The following IRAK1BP1 variants were observed in gnomAD, a reference collection of about 807,000 sequenced individuals.
IRAK1BP1 encodes interleukin-1 receptor-associated kinase 1-binding protein 1.
Under a neutral mutation model 28.0 loss-of-function variants are expected in IRAK1BP1, and 24 were observed. The ratio of observed to expected loss-of-function variants is 0.86; its 90% CI spans 0.62 to 1.20. The LOEUF (loss-of-function observed/expected upper bound fraction) is 1.20, where lower values mean the gene tolerates loss of function less well. Among genes scored for constraint, IRAK1BP1 ranks in the 50% most tolerant of loss-of-function variants. The pLI is 0.00. For missense variants in IRAK1BP1, 336 were observed against 316.7 expected (o/e 1.06, Z -0.46); for synonymous variants, 131 against 116.3 (o/e 1.13, Z -0.81).
At chr6:78,925,589 A>C (rs1772866372) in intron 4 of IRAK1BP1, among the ~76,000 whole-genome samples, 1 of 152,270 alleles carries the variant, frequency 6.6e-6, no homozygotes, top group Admixed American at 6.5e-5. Context: ...TGCTGCTGGT[A>C]GGAATGTAAA....
At chr6:78,972,684 G>A in the IRAK1BP1 span, among the ~76,000 whole-genome samples, 1 of 152,214 alleles carries the variant, frequency 6.6e-6, no homozygotes, top group African/African-American at 2.4e-5. Context: ...AGTGCTTAAA[G>A]GAGCTGATAG....
At chr6:78,961,943 A>C in the IRAK1BP1 span, 1 of 656,280 alleles carries the variant, frequency 1.5e-6, no homozygotes, top group Non-Finnish European at 2.6e-6. Flanking sequence ...TTTCATAAAC[A>C]ATATAGTGTA....
chr6:78,928,896 T>C (rs1194408095), intron 4 of IRAK1BP1, among the ~76,000 whole-genome samples: 1 of 152,212 alleles, frequency 6.6e-6, no homozygotes, highest in African/African-American at 2.4e-5. Flanking sequence ...TTTCACTTAT[T>C]GTTGAATTCA....
the IRAK1BP1 span, among the ~76,000 whole-genome samples, chr6:78,967,158 G>A: frequency 2.0e-5 from 3 of 152,006 alleles, no homozygotes; most frequent in Non-Finnish European, 2.9e-5. Context: ...AGCATGAAAT[G>A]AATTAAAAAT....
At chr6:78,956,609 A>T in the IRAK1BP1 span, 1 of 152,048 alleles carries the variant, frequency 6.6e-6, no homozygotes, top group Non-Finnish European at 1.5e-5. Flanking sequence ...GATTTATAGC[A>T]CTGTATCTCT....
At chr6:78,907,417 A>T (rs1281282713), downstream of IRAK1BP1, among the ~76,000 whole-genome samples, 4 of 152,146 alleles carry the variant, frequency 2.6e-5, no homozygotes, top group South Asian at 8.3e-4. Context: ...GGTATCTTAC[A>T]TTTGTGTGTC....
intron 2 of IRAK1BP1, 125 bp from the exon 3 acceptor site, chr6:78,897,704 T>A: frequency 1.5e-6 from 1 of 668,922 alleles, no homozygotes; most frequent in Admixed American, 3.6e-5. Context: ...AATAGGCTTT[T>A]AAAAATCTGT....
In IRAK1BP1 at chr6:78,909,345, A is replaced by G. The variant is rs1484246254; in HGVS notation, c.*67+6235A>G. Among the ~76,000 whole-genome samples, 3 of 152,226 alleles carry G rather than the reference A, an allele frequency of 2.0e-5. No individual in the cohort carries two copies. The East Asian group carries it at 5.8e-4, about 29-fold the overall frequency. ...TTATCCAGACATAATCTCATGGTGA[A>G]TCAAGGAGCAGTTGTATCAGATTGG... On this transcript the variant is annotated intron_variant and NMD_transcript_variant, in intron 4 of 4. Coordinates refer to the IRAK1BP1 transcript ENST00000606868.
At position 78,931,465 on chromosome 6, in the gene IRAK1BP1, C is replaced by A. The variant is rs183949576; in HGVS notation, c.*68-13943C>A. On this transcript the variant is annotated intron_variant and NMD_transcript_variant, in intron 4 of 4. Coordinates refer to the IRAK1BP1 transcript ENST00000606868. Reference sequence around the variant, plus strand: ...TACACTAAAATTATCTTGGAGATTTCTCATAGGTTCCTGGAAAATCACAAA... The same window carrying A: ...TACACTAAAATTATCTTGGAGATTTATCATAGGTTCCTGGAAAATCACAAA... 3.1e-3 allele frequency among the ~76,000 whole-genome samples: 474 copies of A among 152,152 alleles called. 3 individuals carry two copies. The highest frequency in any genetic ancestry group is 0.011 in the African/African-American group (440 of 41,506).
the IRAK1BP1 span, among the ~76,000 whole-genome samples, chr6:78,954,570 A>C: frequency 1.3e-5 from 2 of 152,302 alleles, no homozygotes; most frequent in African/African-American, 4.8e-5. Flanking sequence ...GGACTTGCTC[A>C]AAGCTGCACA....
At chr6:78,946,316 A>G in exon 5 of IRAK1BP1, 1 of 1,506,136 alleles carries the variant, frequency 6.6e-7, no homozygotes, top group Non-Finnish European at 9.0e-7. Context: ...AACGAATAAA[A>G]CAGTTTATAA....
the IRAK1BP1 span, among the ~76,000 whole-genome samples, chr6:78,958,973 T>G: frequency 1.3e-5 from 2 of 152,178 alleles, no homozygotes; most frequent in African/African-American, 4.8e-5. Context: ...GAACCCTCAC[T>G]TCTGAACAAA....
At chr6:78,967,268 T>C in the IRAK1BP1 span, among the ~76,000 whole-genome samples, 1 of 152,216 alleles carries the variant, frequency 6.6e-6, no homozygotes, top group Admixed American at 6.5e-5. Flanking sequence ...GTTCCTCAGA[T>C]GCATACTAGT....
chr6:78,952,910 C>T, the IRAK1BP1 span, among the ~76,000 whole-genome samples: 1 of 151,646 alleles, frequency 6.6e-6, no homozygotes, highest in African/African-American at 2.4e-5. Flanking sequence ...GGAATGTCAT[C>T]TCTCTTTTTT....
chr6:78,886,781 G>A (rs964654752), intron 2 of IRAK1BP1, among the ~76,000 whole-genome samples: 6 of 152,212 alleles, frequency 3.9e-5, no homozygotes, highest in Non-Finnish European at 7.3e-5. Flanking sequence ...GATGCAGAAA[G>A]AGAGCATTAG....
exon 5 of IRAK1BP1, chr6:78,945,738 TGCTA>T: frequency 3.3e-6 from 2 of 601,352 alleles, no homozygotes; most frequent in Non-Finnish European, 5.8e-6. Flanking sequence ...CTTGGCAAAT[TGCTA>T]GCTAGTGTGG....
At chr6:78,945,459 T>C in exon 5 of IRAK1BP1, 1 of 1,610,518 alleles carries the variant, frequency 6.2e-7, no homozygotes, top group African/African-American at 1.3e-5. Context: ...CTGGAAAGAG[T>C]ATTCAAAGCT....
intron 4 of IRAK1BP1, among the ~76,000 whole-genome samples, chr6:78,931,831 A>G (rs993448619): frequency 4.6e-5 from 7 of 152,188 alleles, no homozygotes; most frequent in Non-Finnish European, 8.8e-5. Flanking sequence ...ATTTCTTAAG[A>G]TAACACTGAA....
At chr6:78,946,347 G>A in exon 5 of IRAK1BP1, 1 of 1,430,650 alleles carries the variant, frequency 7.0e-7, no homozygotes, top group South Asian at 1.4e-5. Context: ...TTCAATATTT[G>A]TACTATTATG....
Sources: gnomAD v4.1 joint callset for allele counts (sites outside exome capture counted in the v4.1 genomes callset) on GRCh38, gnomAD v4.1.1 for gene constraint, MANE v1.5 for transcripts, NCBI Gene and HGNC (gene_info 2026-07-23, HGNC 2026-07-21) for gene names.